Variants in ITPRID2 observed in about 807,000 individuals in gnomAD.
ITPRID2 encodes the protein ITPR interacting domain containing 2, also known as protein ITPRID2.
Under a neutral mutation model 124.3 loss-of-function variants are expected in ITPRID2, and 60 were observed. The ratio of observed to expected loss-of-function variants is 0.48; its 90% CI spans 0.39 to 0.60. The LOEUF is 0.60. Among genes scored for constraint, ITPRID2 ranks in the 20% least tolerant of loss-of-function variants. The probability of loss-of-function intolerance (pLI) is 0.00; values close to 1 mark genes in which losing one functional copy is unlikely to be tolerated. For synonymous variants in ITPRID2, 521 were observed against 542.9 expected, an observed-to-expected ratio of 0.96 and a Z score of 0.56; for missense variants, 1,553 against 1,512.2, an observed-to-expected ratio of 1.03 and a Z score of -0.45.
chr2:181,895,466 C>T (rs957736573), intron 2 of ITPRID2, among the ~76,000 whole-genome samples: 1 of 151,970 alleles, frequency 6.6e-6, no homozygotes, highest in Admixed American at 6.6e-5. Context: ...CAAAGCGAAT[C>T]TCAAGCTTCT....
intron 4 of ITPRID2, 79 bp from the exon 5 acceptor site, chr2:181,898,801 T>C: frequency 2.0e-6 from 2 of 1,003,500 alleles, no homozygotes; most frequent in Non-Finnish European, 1.6e-6. Flanking sequence ...TGTAGGTAAT[T>C]AGATTTCTTG....
chr2:181,895,825 T>C (rs1692154931), intron 2 of ITPRID2, among the ~76,000 whole-genome samples: 1 of 152,048 alleles, frequency 6.6e-6, no homozygotes, highest in Non-Finnish European at 1.5e-5. Context: ...AAATCATTCC[T>C]GCTGAACTGA....
Position 181,910,675 on chromosome 2 carries a change from G to C in ITPRID2, c.1486+704G>C, listed in dbSNP as rs562701037. 13 of 577,064 alleles carry C rather than the reference G, an allele frequency of 2.3e-5. No homozygotes were observed. The Admixed American group carries it at 3.4e-4, about 15-fold the overall frequency. 35.7% of individuals were successfully genotyped at this position (577,064 alleles called of 1,614,324 possible). On this transcript the variant is annotated intron_variant, in intron 9 of 17. Transcript: ENST00000431877. The surrounding 1 kb of genome is among the most constrained non-coding windows in gnomAD (Gnocchi z 4.1). ...AACTTTACACATGCTGAACCACCCT[G>C]TTTTTTTTTTAAACAAAGATTCGTA...
At position 181,892,626 on chromosome 2, in the gene ITPRID2, A is replaced by G. The variant is rs1377841508; in HGVS notation, c.223A>G (p.Asn75Asp). Reference protein sequence around the residue: ...PAAGGRGNVPNEKIAIWLKDC... With the variant: ...PAAGGRGNVPDEKIAIWLKDC... Reference sequence around the variant, plus strand: ...CTCTCTACCCCCAGGAAACGTGCCCAACGAGAAGATCGCGATATGGCTCAA... The same window carrying G: ...CTCTCTACCCCCAGGAAACGTGCCCGACGAGAAGATCGCGATATGGCTCAA... Residue 75 changes from asparagine to aspartate, a missense_variant, in exon 2 of 18, where the codon AAC (asparagine) becomes GAC (aspartate). Coordinates refer to ENST00000431877, the MANE Select transcript of ITPRID2 (RefSeq NM_001130445.3). This position sits in a 1 kb window ranked among gnomAD's most constrained non-coding sequence, Gnocchi z 5.2. The G allele has an allele frequency of 9.9e-6, 16 of 1,614,110 alleles. No individual in the cohort carries two copies. Among genetic ancestry groups the G allele is most frequent in the Non-Finnish European group, 1.4e-5 (16 of 1,180,010 alleles).
intron 5 of ITPRID2, 34 bp downstream of exon 5, chr2:181,898,953 A>T (rs775875537): frequency 1.2e-6 from 2 of 1,600,854 alleles, no homozygotes; most frequent in East Asian, 4.5e-5. Flanking sequence ...TCTTTTAAAA[A>T]ATGAAGACCT....
chr2:181,897,639 C>G (rs1692311522), intron 4 of ITPRID2, among the ~76,000 whole-genome samples: 1 of 151,072 alleles, frequency 6.6e-6, no homozygotes, highest in Admixed American at 6.6e-5. Flanking sequence ...TTTTATAGCT[C>G]ATTGATCAAA....
At chr2:181,927,825 C>T (rs1694972958) in intron 16 of ITPRID2, among the ~76,000 whole-genome samples, 1 of 152,176 alleles carries the variant, frequency 6.6e-6, no homozygotes, top group Non-Finnish European at 1.5e-5. Context: ...ATACTAAAAA[C>T]ATTTAAGAAG....
At chr2:181,903,778 C>G (rs1448960979) in intron 8 of ITPRID2, among the ~76,000 whole-genome samples, 1 of 152,072 alleles carries the variant, frequency 6.6e-6, no homozygotes, top group African/African-American at 2.4e-5. Context: ...TGGAAGATGA[C>G]TGTGATGACT....
intron 16 of ITPRID2, among the ~76,000 whole-genome samples, chr2:181,923,695 A>G (rs137867218): frequency 0.015 from 2,261 of 151,812 alleles, 29 homozygotes; most frequent in Non-Finnish European, 0.024. Flanking sequence ...TTTTTTCTAG[A>G]AATGTGATGG....
At chr2:181,924,539 T>C (rs116367004) in intron 16 of ITPRID2, among the ~76,000 whole-genome samples, 1,527 of 152,282 alleles carry the variant, frequency 0.01, 19 homozygotes, top group Non-Finnish European at 0.016. Flanking sequence ...TAATCTTGGG[T>C]TGAACAGTTT....
intron 4 of ITPRID2, among the ~76,000 whole-genome samples, chr2:181,898,093 T>C (rs1692358133): frequency 6.6e-6 from 1 of 152,090 alleles, no homozygotes; most frequent in Non-Finnish European, 1.5e-5. Flanking sequence ...GTTGTTTTAC[T>C]GAAAATTATT....
Position 181,902,375 on chromosome 2 carries a change from C to G in ITPRID2, c.1322C>G (p.Ser441Cys). The G allele has an allele frequency of 1.9e-6, 3 of 1,613,808 alleles. No homozygotes were observed. Among genetic ancestry groups the G allele is most frequent in the Non-Finnish European group, 2.5e-6 (3 of 1,179,870 alleles). ...NSSELKSVHI[S>C]TPEKEPCAPL... ...AGTGAGCTGAAAAGTGTCCATATAT[C>G]CACACCTGAAAAAGAGCCTTGTGCA... Residue 441 changes from serine to cysteine, a missense_variant, in exon 8 of 18, where the codon TCC becomes TGC. Transcript: ENST00000431877. This position sits in a 1 kb window ranked among gnomAD's most constrained non-coding sequence, Gnocchi z 4.4.
chr2:181,896,999 GT>G lies in ITPRID2; in HGVS notation c.364+39del. On this transcript the variant is annotated intron_variant, in intron 4 of 17. Coordinates refer to ENST00000431877, the MANE Select transcript of ITPRID2 (RefSeq NM_001130445.3). This position sits in a 1 kb window ranked among gnomAD's most constrained non-coding sequence, Gnocchi z 4.3. ...TTTGGAAGAACTGTATTTTTGTGTA[GT>G]TTTCAAATTTAAAAAAAATGAGAAA... The G allele has an allele frequency of 1.3e-6, 2 of 1,578,696 alleles. No homozygotes were observed. Among genetic ancestry groups the G allele is most frequent in the Non-Finnish European group, 1.7e-6 (2 of 1,150,598 alleles).
At chr2:181,920,074 A>G (rs1267389343) in intron 14 of ITPRID2, among the ~76,000 whole-genome samples, 3 of 152,168 alleles carry the variant, frequency 2.0e-5, no homozygotes, top group African/African-American at 7.2e-5. Flanking sequence ...TTATTTTTGC[A>G]AATATCTTTG....
chr2:181,921,825 GA>G, intron 15 of ITPRID2, 122 bp from the exon 16 acceptor site: 1 of 844,584 alleles, frequency 1.2e-6, no homozygotes, highest in Non-Finnish European at 1.8e-6. Context: ...TAAATTAATG[GA>G]ATAGATTTAT....
At position 181,915,259 on chromosome 2, in the gene ITPRID2, G is replaced by A. The variant is rs1404067687; in HGVS notation, c.1619G>A (p.Cys540Tyr). The A allele has an allele frequency of 1.9e-6, 3 of 1,614,140 alleles. No individual in the cohort carries two copies. The South Asian group carries it at 3.3e-5, about 18-fold the overall frequency. The change falls in exon 11 of 18, where the codon TGT becomes TAT. Residue 540 changes from cysteine (C) to tyrosine (Y), a missense_variant. Physicochemically the swap from Cys to Tyr is radical, Grantham distance 194. Transcript: ENST00000431877. ...LQAMGSSADSCDSETTVTSLG... is the reference protein window; with the variant it reads ...LQAMGSSADSYDSETTVTSLG... ...GCTATGGGGAGTAGTGCTGATAGTT[G>A]TGACAGTGAGACAACAGTTACGTCA...
chr2:181,912,053 T>C (rs1693650686), intron 9 of ITPRID2, among the ~76,000 whole-genome samples: 1 of 152,224 alleles, frequency 6.6e-6, no homozygotes, highest in Non-Finnish European at 1.5e-5. Flanking sequence ...CAGTCAGAGC[T>C]GCTCACTCTG....
In ITPRID2 at chr2:181,896,254, T is replaced by C. The variant is rs1692190755; in HGVS notation, c.307+175T>C. ...TTATAAACCGTAAAACAGTAGGGAG[T>C]TTAAGCAAATTGCCTAGCCTTTTCA... On this transcript the variant is annotated intron_variant, in intron 3 of 17. Coordinates refer to ENST00000431877, the MANE Select transcript of ITPRID2 (RefSeq NM_001130445.3). This position sits in a 1 kb window ranked among gnomAD's most constrained non-coding sequence, Gnocchi z 4.3. Among the ~76,000 whole-genome samples, 1 of 151,876 alleles carries C rather than the reference T, an allele frequency of 6.6e-6. No homozygotes were observed. Among genetic ancestry groups the C allele is most frequent in the Admixed American group, 6.6e-5 (1 of 15,238 alleles).
chr2:181,896,399 T>C lies in ITPRID2; in HGVS notation c.307+320T>C, dbSNP rs1317661785. On this transcript the variant is annotated intron_variant, in intron 3 of 17. Coordinates refer to ENST00000431877, the MANE Select transcript of ITPRID2 (RefSeq NM_001130445.3). This position sits in a 1 kb window ranked among gnomAD's most constrained non-coding sequence, Gnocchi z 4.3. ...TGAGTGAACAAAAGTTTAGTCAACT[T>C]TCGTGCAGCATTTCTTTGCTTACAT... Among the ~76,000 whole-genome samples the C allele has an allele frequency of 6.6e-6, 1 of 151,998 alleles. No individual in the cohort carries two copies. The highest frequency in any genetic ancestry group is 6.6e-5 in the Admixed American group (1 of 15,264).
Sources: gnomAD v4.1 joint callset for allele counts (sites outside exome capture counted in the v4.1 genomes callset) on GRCh38, gnomAD v4.1.1 for gene constraint, Gnocchi (gnomAD v3.1) non-coding constraint, MANE v1.5 for transcripts, NCBI Gene and HGNC (gene_info 2026-07-23, HGNC 2026-07-21) for gene names.